LUC7L2: variants seen among roughly 807,000 people sequenced by gnomAD.
LUC7L2 encodes putative RNA-binding protein Luc7-like 2.
In LUC7L2, 25 loss-of-function variants were observed where a neutral mutation model predicts 52.8. That is an observed-to-expected ratio of 0.47 (90% CI 0.34 to 0.66). The LOEUF is 0.66. Among genes scored for constraint, LUC7L2 ranks in the 30% least tolerant of loss-of-function variants. The pLI is 0.01. For synonymous variants in LUC7L2, 144 were observed against 160.9 expected (o/e 0.89, Z 0.80); for missense variants, 328 against 497.8 (o/e 0.66, Z 3.25).
At chr7:139,346,819 T>C (rs1002947813) in intron 1 of LUC7L2, among the ~76,000 whole-genome samples, 1 of 152,202 alleles carries the variant, frequency 6.6e-6, no homozygotes, top group Non-Finnish European at 1.5e-5. Context: ...ACTCCCTATC[T>C]GGGCAAATAG....
intron 1 of LUC7L2, among the ~76,000 whole-genome samples, chr7:139,351,161 C>T (rs983021156): frequency 3.3e-5 from 5 of 152,188 alleles, no homozygotes; most frequent in African/African-American, 1.2e-4. Flanking sequence ...AACTCCAGTT[C>T]AGGCTCCTCT....
chr7:139,384,421 A>G (rs906976486), intron 2 of LUC7L2, among the ~76,000 whole-genome samples: 2 of 152,126 alleles, frequency 1.3e-5, no homozygotes, highest in African/African-American at 2.4e-5. Flanking sequence ...TTGCACCACC[A>G]TGCCCCGCTA....
chr7:139,378,771 G>A (rs554806412), intron 2 of LUC7L2, among the ~76,000 whole-genome samples: 2 of 152,286 alleles, frequency 1.3e-5, no homozygotes, highest in African/African-American at 4.8e-5. Context: ...TACATAGGGT[G>A]AACTGTTAAG....
At chr7:139,365,026 TTAATA>T (rs1408688997) in intron 1 of LUC7L2, among the ~76,000 whole-genome samples, 2 of 152,264 alleles carry the variant, frequency 1.3e-5, no homozygotes, top group African/African-American at 2.4e-5. Flanking sequence ...TGTAAATTCT[TTAATA>T]TAAGGAGTTT....
At chr7:139,419,774 A>G (rs777964756) in intron 9 of LUC7L2, among the ~76,000 whole-genome samples, 7 of 152,242 alleles carry the variant, frequency 4.6e-5, no homozygotes, top group Non-Finnish European at 1.0e-4. Flanking sequence ...CTAAGATGTC[A>G]GCATGTTCAT....
rs370772545 is a variant in LUC7L2, at chr7:139,417,512, A to C, written c.810-26A>C. 9.4e-6 allele frequency: 15 copies of C among 1,602,132 alleles called. No individual in the cohort carries two copies. In the African/African-American group the frequency reaches 1.9e-4, roughly 20 times the overall value. On this transcript the variant is annotated intron_variant, in intron 8 of 9. Coordinates refer to ENST00000354926, the MANE Select transcript of LUC7L2 (RefSeq NM_016019.5). The stretch of plus-strand genomic sequence containing the variant: ...AGAAATATAGTAATTACAAAGGTAG[A>C]AACAAAATCAAATCTTGTCTGGTAG...
chr7:139,344,402 A>C (rs560307240), intron 1 of LUC7L2, among the ~76,000 whole-genome samples: 1 of 152,288 alleles, frequency 6.6e-6, no homozygotes, highest in South Asian at 2.1e-4. Flanking sequence ...TGTCATCTCT[A>C]GATTATAATA....
intron 1 of LUC7L2, among the ~76,000 whole-genome samples, chr7:139,342,587 C>T (rs1022719045): frequency 5.3e-5 from 8 of 152,088 alleles, no homozygotes; most frequent in Non-Finnish European, 1.2e-4. Flanking sequence ...CTCAGCCTCC[C>T]GAGTAGTACA....
chr7:139,408,273 T>C (rs913907825), intron 6 of LUC7L2, among the ~76,000 whole-genome samples: 13 of 152,142 alleles, frequency 8.5e-5, no homozygotes, highest in Admixed American at 5.9e-4. Flanking sequence ...CTATAGCAAA[T>C]AGTTACTAGG....
chr7:139,370,159 G>C (rs1585083154), intron 1 of LUC7L2, among the ~76,000 whole-genome samples: 1 of 152,190 alleles, frequency 6.6e-6, no homozygotes, highest in East Asian at 1.9e-4. Context: ...TTTGTAAAAT[G>C]AACCCTATAC....
intron 1 of LUC7L2, chr7:139,371,559 T>C: frequency 1.7e-6 from 1 of 572,448 alleles, no homozygotes; most frequent in Non-Finnish European, 3.0e-6. Context: ...TGGGTAGTAC[T>C]GGGGGGAGGG....
intron 9 of LUC7L2, among the ~76,000 whole-genome samples, chr7:139,418,569 T>C (rs1296326209): frequency 6.6e-6 from 1 of 152,236 alleles, no homozygotes; most frequent in Non-Finnish European, 1.5e-5. Context: ...ATAAAATCTA[T>C]AATAAAATCC....
In LUC7L2 at chr7:139,422,570, T is replaced by C; in HGVS notation, c.*230T>C. 1 of 827,906 alleles carries C rather than the reference T, an allele frequency of 1.2e-6. No homozygotes were observed. 51.3% of individuals were successfully genotyped at this position (827,906 alleles called of 1,614,324 possible). ...ATACAGTTCTGAAAGTACAGTTTTA[T>C]ATAATAAGATGCTGATCTCTTTATT... is the stretch of plus-strand genomic sequence containing the variant. On this transcript the variant is annotated 3_prime_UTR_variant, in exon 10 of 10. Coordinates refer to ENST00000354926, the MANE Select transcript of LUC7L2 (RefSeq NM_016019.5).
intron 4 of LUC7L2, among the ~76,000 whole-genome samples, chr7:139,402,844 CAT>C (rs1002991411): frequency 1.3e-5 from 2 of 152,134 alleles, no homozygotes; most frequent in South Asian, 4.1e-4. Context: ...AGTTTAATCA[CAT>C]GTGTAATTAC....
At chr7:139,357,817 G>T (rs771222816), upstream of LUC7L2, among the ~76,000 whole-genome samples, 5 of 149,550 alleles carry the variant, frequency 3.3e-5, no homozygotes, top group African/African-American at 1.2e-4. Context: ...TCAGCCTCCG[G>T]TGTAGCTGGG....
At chr7:139,410,588 CTT>C (rs1432604912) in intron 7 of LUC7L2, among the ~76,000 whole-genome samples, 1 of 152,090 alleles carries the variant, frequency 6.6e-6, no homozygotes, top group African/African-American at 2.4e-5. Context: ...TGTAACTCAT[CTT>C]TTTAACTTCA....
At chr7:139,380,023 C>CA (rs1479750703) in intron 2 of LUC7L2, among the ~76,000 whole-genome samples, 2 of 150,682 alleles carry the variant, frequency 1.3e-5, no homozygotes, top group African/African-American at 4.9e-5. Context: ...ACTGAAAATA[C>CA]AAAAAATTAG....
chr7:139,360,174 C>T lies in LUC7L2; in HGVS notation c.-88C>T. ...CGGCGGCCACCGAGACAGCAGCGCACCTTCCCCCATCCCTTCCCCTTATCC... is the reference window on the plus strand; with the variant it reads ...CGGCGGCCACCGAGACAGCAGCGCATCTTCCCCCATCCCTTCCCCTTATCC... On this transcript the variant is annotated 5_prime_UTR_variant, in exon 1 of 10. Coordinates refer to ENST00000354926, the MANE Select transcript of LUC7L2 (RefSeq NM_016019.5). 9.8e-7 allele frequency: 1 copy of T among 1,024,114 alleles called. No homozygotes were observed. The highest frequency in any genetic ancestry group is 1.4e-6 in the Non-Finnish European group (1 of 699,832). 63.4% of individuals were successfully genotyped at this position (1,024,114 alleles called of 1,614,324 possible).
At chr7:139,358,810 G>C (rs527919005), upstream of LUC7L2, among the ~76,000 whole-genome samples, 53 of 151,966 alleles carry the variant, frequency 3.5e-4, no homozygotes, top group African/African-American at 1.3e-3. Flanking sequence ...TCAGCCTCCC[G>C]AGTAGCTGGG....
Sources: gnomAD v4.1 joint callset for allele counts (sites outside exome capture counted in the v4.1 genomes callset) on GRCh38, gnomAD v4.1.1 for gene constraint, MANE v1.5 for transcripts, NCBI Gene and HGNC (gene_info 2026-07-23, HGNC 2026-07-21) for gene names.